Variants in WDR59 observed in about 807,000 individuals in gnomAD.
The protein encoded by WDR59 is WD repeat domain 59, also known as GATOR2 complex protein WDR59.
In WDR59, 100 loss-of-function variants were observed where a neutral mutation model predicts 131.2. That is an observed-to-expected ratio of 0.76 (90% CI 0.65 to 0.90). WDR59 has a LOEUF of 0.90. WDR59 is among the 40% of genes least tolerant of loss of function. The probability of loss-of-function intolerance (pLI) is 0.00; values close to 1 mark genes in which losing one functional copy is unlikely to be tolerated. For missense variants in WDR59, 1,203 were observed against 1,262.2 expected (o/e 0.95, Z 0.71); for synonymous variants, 601 against 466.2 (o/e 1.29, Z -3.72).
chr16:74,929,457 T>C (rs112485560), intron 8 of WDR59, among the ~76,000 whole-genome samples: 21,593 of 152,144 alleles, frequency 0.14, 2,114 homozygotes, highest in Non-Finnish European at 0.21. Context: ...ATCAGAGAAA[T>C]GCAAATCAAA....
At chr16:74,886,177 C>CAGAAAAAAAAAAAAAAAAAAAAAA (rs1964749914) in intron 24 of WDR59, 93 bp downstream of exon 24, 1 of 781,366 alleles carries the variant, frequency 1.3e-6, no homozygotes, top group African/African-American at 2.2e-5. Context: ...ATTCTGTGTC[C>CAGAAAAAAAAAAAAAAAAAAAAAA]AAAAAAAAAA....
At chr16:74,901,992 C>T (rs1965575943) in intron 18 of WDR59, among the ~76,000 whole-genome samples, 3 of 152,074 alleles carry the variant, frequency 2.0e-5, no homozygotes, top group South Asian at 2.1e-4. Context: ...TTAAGTTGAA[C>T]CACATGAATC....
chr16:74,912,380 A>T lies in WDR59; in HGVS notation c.1225-18T>A. ...GCATCCATCTGCAAGAGACAAATCC[A>T]CAATTGCTGTAGAAACAAACCATAA... On this transcript the variant is annotated intron_variant, in intron 13 of 25. Coordinates refer to ENST00000262144, the MANE Select transcript of WDR59 (RefSeq NM_030581.4). The T allele has an allele frequency of 6.2e-7, 1 of 1,604,242 alleles. No individual in the cohort carries two copies. The highest frequency in any genetic ancestry group is 8.5e-7 in the Non-Finnish European group (1 of 1,173,012).
At chr16:74,929,705 G>T (rs912528375) in intron 8 of WDR59, among the ~76,000 whole-genome samples, 2 of 152,114 alleles carry the variant, frequency 1.3e-5, no homozygotes, top group Non-Finnish European at 2.9e-5. Context: ...AAAAAAACCA[G>T]TATAGCGAAG....
intron 6 of WDR59, 102 bp from the exon 7 acceptor site, chr16:74,942,928 G>T: frequency 9.9e-7 from 1 of 1,010,366 alleles, no homozygotes; most frequent in Non-Finnish European, 1.5e-6. Context: ...GGCTGAATAA[G>T]CCCAGAACCC....
chr16:74,938,828 G>A (rs2032003872), intron 7 of WDR59, among the ~76,000 whole-genome samples: 1 of 150,360 alleles, frequency 6.7e-6, no homozygotes, highest in Non-Finnish European at 1.5e-5. Flanking sequence ...ACGATCCACT[G>A]TGCCCGGCCT....
At position 74,912,258 on chromosome 16, in the gene WDR59, A is replaced by AG; in HGVS notation, c.1328dup (p.Ser444PhefsTer6). The AG allele has an allele frequency of 6.2e-7, 1 of 1,614,194 alleles. No individual in the cohort carries two copies. Among genetic ancestry groups the AG allele is most frequent in the Non-Finnish European group, 8.5e-7 (1 of 1,180,008 alleles). On this transcript the variant is annotated frameshift_variant, in exon 14 of 26. Transcript: ENST00000262144. LOFTEE classifies it high-confidence loss of function. ...TTGTGGGGTTAATAAACTGGAAGGAAGGGGCGGCGTTGTTTGGGTACTGTG... is the reference window on the plus strand; with the variant it reads ...TTGTGGGGTTAATAAACTGGAAGGAAGGGGGCGGCGTTGTTTGGGTACTGTG...
intron 18 of WDR59, among the ~76,000 whole-genome samples, chr16:74,896,263 G>T (rs77030065): frequency 1.3e-5 from 2 of 152,138 alleles, no homozygotes; most frequent in Non-Finnish European, 2.9e-5. Flanking sequence ...ATTCACTATC[G>T]TTCAGTTTAA....
chr16:74,891,112 CA>C lies in WDR59; in HGVS notation c.2083-1298del, dbSNP rs1220561474. ...TGGGCGACAGAGCGAGACTCTGTCT[CA>C]AAAAAAAAAAAAAAAAAAAATCAAA... On this transcript the variant is annotated intron_variant, in intron 20 of 25. Coordinates refer to ENST00000262144, the MANE Select transcript of WDR59 (RefSeq NM_030581.4). Among the ~76,000 whole-genome samples the C allele has an allele frequency of 5.4e-3, 351 of 65,444 alleles. 2 individuals carry two copies. The highest frequency in any genetic ancestry group is 8.5e-3 in the East Asian group (15 of 1,760). The allele number at this position is 65,444 out of a possible 152,430, so 42.9% of individuals were successfully genotyped here.
chr16:74,926,917 G>A (rs181376250), intron 8 of WDR59, among the ~76,000 whole-genome samples: 31 of 152,308 alleles, frequency 2.0e-4, no homozygotes, highest in Admixed American at 1.2e-3. Context: ...GAATGCAAGG[G>A]AGAGTTCTAT....
chr16:74,892,559 A>G lies in WDR59; in HGVS notation c.2007T>C (p.Asn669=). Residue 669 remains asparagine (N), a synonymous_variant, in exon 20 of 26, where the codon AAT becomes AAC. Transcript: ENST00000262144. The stretch of plus-strand genomic sequence containing the variant: ...GACATGTTTCCTGAATATCATTCAC[A>G]TTCAATCTGAAATTTTTTAAAAAGA... The part of the protein sequence containing the change: ...HKSLGELYIL[N]VNDIQETCQK... The G allele has an allele frequency of 6.2e-7, 1 of 1,613,134 alleles. No homozygotes were observed. Among genetic ancestry groups the G allele is most frequent in the Non-Finnish European group, 8.5e-7 (1 of 1,179,634 alleles).
intron 4 of WDR59, among the ~76,000 whole-genome samples, chr16:74,950,915 G>A (rs2145137238): frequency 6.6e-6 from 1 of 151,872 alleles, no homozygotes; most frequent in East Asian, 1.9e-4. Context: ...CAACACTTTG[G>A]GAGGCCAAGG....
intron 17 of WDR59, 149 bp from the exon 18 acceptor site, chr16:74,904,249 G>T: frequency 1.1e-6 from 1 of 899,642 alleles, no homozygotes; most frequent in Non-Finnish European, 1.7e-6. Flanking sequence ...TTTTAACACT[G>T]AAAAATGCTT....
intron 1 of WDR59, among the ~76,000 whole-genome samples, chr16:74,981,631 T>G (rs866782703): frequency 1.7e-4 from 1 of 5,798 alleles, no homozygotes; most frequent in South Asian, 7.2e-3. Flanking sequence ...TATATATATA[T>G]ATATATATAT....
At chr16:74,919,726 C>A (rs1185419017) in intron 10 of WDR59, among the ~76,000 whole-genome samples, 1 of 152,144 alleles carries the variant, frequency 6.6e-6, no homozygotes, top group Non-Finnish European at 1.5e-5. Flanking sequence ...GATCTATCAG[C>A]AACACCTGAA....
At chr16:74,937,159 C>G (rs2031867337) in intron 8 of WDR59, among the ~76,000 whole-genome samples, 1 of 152,216 alleles carries the variant, frequency 6.6e-6, no homozygotes, top group Non-Finnish European at 1.5e-5. Flanking sequence ...TGCCATCATT[C>G]TGACCAAGGG....
chr16:74,973,365 C>G (rs1388787659), intron 1 of WDR59, among the ~76,000 whole-genome samples: 1 of 152,204 alleles, frequency 6.6e-6, no homozygotes, highest in Non-Finnish European at 1.5e-5. Flanking sequence ...AGTGGCGTTG[C>G]AGCCTCAAAC....
At chr16:74,895,277 T>C (rs1388421868) in intron 18 of WDR59, among the ~76,000 whole-genome samples, 2 of 152,216 alleles carry the variant, frequency 1.3e-5, no homozygotes, top group East Asian at 3.8e-4. Context: ...TTTTTTTTTC[T>C]TTTGAGACAG....
At chr16:74,924,974 T>C (rs1199300855) in intron 8 of WDR59, among the ~76,000 whole-genome samples, 2 of 152,076 alleles carry the variant, frequency 1.3e-5, no homozygotes, top group East Asian at 1.9e-4. Context: ...GACCCAGCAA[T>C]ACCACTCCTA....
Sources: allele counts gnomAD v4.1 joint callset (sites outside exome capture counted in the v4.1 genomes callset), GRCh38; gene constraint gnomAD v4.1.1; transcripts MANE v1.5; gene names NCBI Gene and HGNC (gene_info 2026-07-23, HGNC 2026-07-21).